PLEKHA8: variants seen among roughly 807,000 people sequenced by gnomAD.
PLEKHA8 encodes pleckstrin homology domain-containing family A member 8.
In PLEKHA8, 36 loss-of-function variants were observed where a neutral mutation model predicts 68.2. That is an observed-to-expected ratio of 0.53 (90% CI 0.40 to 0.70). The LOEUF (loss-of-function observed/expected upper bound fraction) is 0.70. Among genes scored for constraint, PLEKHA8 ranks in the 30% least tolerant of loss-of-function variants. The pLI, the probability that PLEKHA8 is intolerant of heterozygous loss-of-function variation, is 0.00. For missense variants in PLEKHA8, 505 were observed against 615.4 expected (o/e 0.82, Z 1.90); for synonymous variants, 211 against 216.1 (o/e 0.98, Z 0.20).
chr7:30,114,483 A>G (rs536500865), intron 13 of PLEKHA8, among the ~76,000 whole-genome samples: 4 of 152,244 alleles, frequency 2.6e-5, no homozygotes, highest in Non-Finnish European at 5.9e-5. Context: ...AGTGCCTCTC[A>G]TGAGGTTTGT....
intron 13 of PLEKHA8, among the ~76,000 whole-genome samples, chr7:30,098,363 G>A (rs1795714239): frequency 6.6e-6 from 1 of 152,194 alleles, no homozygotes; most frequent in South Asian, 2.1e-4. Context: ...TGTCAGACAG[G>A]GACATTTAAG....
At chr7:30,123,332 C>T (rs1796723099) in intron 13 of PLEKHA8, among the ~76,000 whole-genome samples, 1 of 152,184 alleles carries the variant, frequency 6.6e-6, no homozygotes, top group Non-Finnish European at 1.5e-5. Context: ...CATTTGAATG[C>T]CAATCTGGCT....
At chr7:30,084,770 A>G (rs1419090416), downstream of PLEKHA8, 1 of 486,346 alleles carries the variant, frequency 2.1e-6, no homozygotes. Flanking sequence ...CAAATATAAG[A>G]ACATTTCATC....
intron 13 of PLEKHA8, among the ~76,000 whole-genome samples, chr7:30,119,949 T>C (rs2128024418): frequency 6.6e-6 from 1 of 152,278 alleles, no homozygotes; most frequent in East Asian, 1.9e-4. Flanking sequence ...TTTTTGTGAA[T>C]GTTTGCTGAA....
intron 9 of PLEKHA8, among the ~76,000 whole-genome samples, chr7:30,056,312 C>CTCTCTCTA (rs796845171): frequency 0.065 from 6,126 of 94,288 alleles, 423 homozygotes; most frequent in Non-Finnish European, 0.085. Flanking sequence ...CTCTCTCTCT[C>CTCTCTCTA]TATATATATA....
Position 30,081,367 on chromosome 7 carries a change from T to C in PLEKHA8, c.*2580T>C, listed in dbSNP as rs1794921325. The C allele has an allele frequency of 1.0e-6, 1 of 983,950 alleles. No homozygotes were observed. Among genetic ancestry groups the C allele is most frequent in the Non-Finnish European group, 1.2e-6 (1 of 828,734 alleles). The allele number at this position is 983,950 out of a possible 1,614,324, so 61.0% of individuals were successfully genotyped here. A position where few individuals can be genotyped will look rare whatever the true frequency, so the allele number is the denominator to read the frequency against. On this transcript the variant is annotated 3_prime_UTR_variant, in exon 14 of 14. Transcript: ENST00000449726. ...AACTGAGGATCCTTAAATAAAAATATTAGAAATTAGAAATTGAACCTAATA... is the reference window on the plus strand; with the variant it reads ...AACTGAGGATCCTTAAATAAAAATACTAGAAATTAGAAATTGAACCTAATA...
chr7:30,042,069 G>A (rs1211736644), intron 1 of PLEKHA8, among the ~76,000 whole-genome samples: 1 of 152,196 alleles, frequency 6.6e-6, no homozygotes, highest in Non-Finnish European at 1.5e-5. Flanking sequence ...TATCCAATCA[G>A]TTAAAGACTT....
At position 30,081,683 on chromosome 7, in the gene PLEKHA8, A is replaced by T; in HGVS notation, c.*2896A>T. 5.1e-6 allele frequency: 5 copies of T among 985,306 alleles called. No individual in the cohort carries two copies. Among genetic ancestry groups the T allele is most frequent in the Non-Finnish European group, 6.0e-6 (5 of 829,846 alleles). 61.0% of individuals were successfully genotyped at this position (985,306 alleles called of 1,614,324 possible). ...TCTCATCGCTCAAAGCATTTTTAGG[A>T]TTATTTTTCTAGCGTAACCTTTAGA... is the stretch of plus-strand genomic sequence containing the variant. On this transcript the variant is annotated 3_prime_UTR_variant, in exon 14 of 14. Transcript: ENST00000449726.
chr7:30,039,344 G>A lies in PLEKHA8; in HGVS notation c.41-5741G>A, dbSNP rs745948565. Among the ~76,000 whole-genome samples the A allele has an allele frequency of 1.4e-4, 21 of 152,112 alleles. 1 individual carries two copies. Among genetic ancestry groups the A allele is most frequent in the African/African-American group, 2.9e-4 (12 of 41,418 alleles). On this transcript the variant is annotated intron_variant, in intron 1 of 13. Transcript: ENST00000449726. ...AGCCTGGCCAACAAGATGAAAGCCCGTCTCTACTAAAAATACAAAAATTAG... is the reference window on the plus strand; with the variant it reads ...AGCCTGGCCAACAAGATGAAAGCCCATCTCTACTAAAAATACAAAAATTAG...
intron 12 of PLEKHA8, among the ~76,000 whole-genome samples, chr7:30,072,336 TTGAG>T (rs923444406): frequency 6.6e-6 from 1 of 152,266 alleles, no homozygotes; most frequent in African/African-American, 2.4e-5. Flanking sequence ...GCAATATGTA[TTGAG>T]TATGTATTTT....
chr7:30,116,082 A>T (rs1171379231), intron 13 of PLEKHA8: 1 of 150,708 alleles, frequency 6.6e-6, no homozygotes, highest in Non-Finnish European at 1.5e-5. Flanking sequence ...ATGTATACAT[A>T]CGCATACATA....
At chr7:30,103,482 A>G (rs1795939927) in intron 13 of PLEKHA8, among the ~76,000 whole-genome samples, 1 of 152,244 alleles carries the variant, frequency 6.6e-6, no homozygotes, top group Non-Finnish European at 1.5e-5. Flanking sequence ...TAACCAGAAT[A>G]ATCTTGAAAA....
intron 9 of PLEKHA8, among the ~76,000 whole-genome samples, chr7:30,058,649 A>T (rs772813544): frequency 6.6e-6 from 1 of 152,068 alleles, no homozygotes; most frequent in Non-Finnish European, 1.5e-5. Flanking sequence ...ATGGTGTCTT[A>T]ATTATTATAA....
In PLEKHA8 at chr7:30,034,010, C is replaced by CTTTTTTT. The variant is rs56796780; in HGVS notation, c.40+5234_40+5240dup. ...TTCATTACAGAGTTGTAAGAGGTTT[C>CTTTTTTT]TTTTTTTTTTTTTTTTTTTTTTTTT... On this transcript the variant is annotated intron_variant, in intron 1 of 13. Coordinates refer to ENST00000449726, the MANE Select transcript of PLEKHA8 (RefSeq NM_001197026.2). Among the ~76,000 whole-genome samples, 8 of 34,660 alleles carry CTTTTTTT rather than the reference C, an allele frequency of 2.3e-4. 2 individuals carry two copies. Among genetic ancestry groups the CTTTTTTT allele is most frequent in the African/African-American group, 5.1e-4 (4 of 7,894 alleles). The allele number at this position is 34,660 out of a possible 152,430, so 22.7% of individuals were successfully genotyped here. A position where few individuals can be genotyped will look rare whatever the true frequency, so the allele number is the denominator to read the frequency against.
downstream of PLEKHA8, among the ~76,000 whole-genome samples, chr7:30,087,443 C>T (rs1024754804): frequency 2.6e-5 from 4 of 152,218 alleles, no homozygotes; most frequent in African/African-American, 9.7e-5. Context: ...CTTAGAGACC[C>T]TACCTTCACC....
In PLEKHA8 at chr7:30,065,626, A is replaced by G. The variant is rs75138615; in HGVS notation, c.1300+2884A>G. Among the ~76,000 whole-genome samples, 729 of 152,308 alleles carry G rather than the reference A, an allele frequency of 4.8e-3. 9 individuals carry two copies. Among genetic ancestry groups the G allele is most frequent in the African/African-American group, 0.016 (676 of 41,572 alleles). ...AATGAGGGAGGGTGAGTGAGTAGGT[A>G]AAAGAGAGTGTGTGCAATTTATATG... On this transcript the variant is annotated intron_variant, in intron 12 of 13. Coordinates refer to ENST00000449726, the MANE Select transcript of PLEKHA8 (RefSeq NM_001197026.2).
intron 13 of PLEKHA8, chr7:30,115,875 GGC>G: frequency 9.6e-6 from 1 of 104,644 alleles, no homozygotes; most frequent in South Asian, 2.8e-4. Context: ...CATACATGTA[GGC>G]ACGCATACAT....
At chr7:30,108,788 C>G (rs1337132103) in intron 13 of PLEKHA8, among the ~76,000 whole-genome samples, 1 of 152,230 alleles carries the variant, frequency 6.6e-6, no homozygotes, top group Non-Finnish European at 1.5e-5. Flanking sequence ...CCCACAGAAC[C>G]AGTAGCTCCC....
intron 13 of PLEKHA8, among the ~76,000 whole-genome samples, chr7:30,077,299 T>C (rs2127998265): frequency 6.6e-6 from 1 of 152,178 alleles, no homozygotes; most frequent in East Asian, 1.9e-4. Flanking sequence ...TCTTTATCAT[T>C]CATTATGCTG....
Sources: allele counts gnomAD v4.1 joint callset (sites outside exome capture counted in the v4.1 genomes callset), GRCh38; gene constraint gnomAD v4.1.1; transcripts MANE v1.5; gene names NCBI Gene and HGNC (gene_info 2026-07-23, HGNC 2026-07-21).